ARHGAP42: variants seen among roughly 807,000 people sequenced by gnomAD.
ARHGAP42 encodes rho GTPase-activating protein 42.
Under a neutral mutation model 125.0 loss-of-function variants are expected in ARHGAP42, and 63 were observed. That is an observed-to-expected ratio of 0.50 (90% CI 0.41 to 0.62). ARHGAP42 has a LOEUF of 0.62. Among genes scored for constraint, ARHGAP42 ranks in the 20% least tolerant of loss-of-function variants. The pLI, the probability that ARHGAP42 is intolerant of heterozygous loss-of-function variation, is 0.00. For missense variants in ARHGAP42, 766 were observed against 1,024.2 expected, an observed-to-expected ratio of 0.75 and a Z score of 3.44; for synonymous variants, 339 against 351.0, an observed-to-expected ratio of 0.97 and a Z score of 0.38.
intron 4 of ARHGAP42, among the ~76,000 whole-genome samples, chr11:100,890,878 T>A (rs1040017427): frequency 6.6e-6 from 1 of 151,574 alleles, no homozygotes; most frequent in Non-Finnish European, 1.5e-5. Context: ...TGGGGGAGGG[T>A]TCTGTGTGTT....
intron 1 of ARHGAP42, among the ~76,000 whole-genome samples, chr11:100,716,153 C>T (rs931162342): frequency 2.0e-5 from 3 of 152,174 alleles, no homozygotes; most frequent in Non-Finnish European, 4.4e-5. Context: ...CCTAAACTAT[C>T]CCGTAAGCTT....
chr11:100,831,067 T>G (rs1864652832), intron 3 of ARHGAP42, among the ~76,000 whole-genome samples: 1 of 152,180 alleles, frequency 6.6e-6, no homozygotes. Flanking sequence ...TGTGCTTGGA[T>G]TTTTGGATTC....
At chr11:100,819,374 G>T (rs903548256) in intron 3 of ARHGAP42, among the ~76,000 whole-genome samples, 5 of 152,090 alleles carry the variant, frequency 3.3e-5, no homozygotes, top group Non-Finnish European at 1.5e-5. Flanking sequence ...AATAGAAATG[G>T]CAGGGATAAT....
intron 22 of ARHGAP42, among the ~76,000 whole-genome samples, chr11:100,980,666 G>A (rs1858520559): frequency 7.1e-6 from 1 of 141,278 alleles, no homozygotes; most frequent in Non-Finnish European, 1.5e-5. Flanking sequence ...TGCCTCCCAG[G>A]TTCAAGTGAT....
intron 1 of ARHGAP42, among the ~76,000 whole-genome samples, chr11:100,759,696 T>C (rs965304025): frequency 6.6e-6 from 1 of 152,154 alleles, no homozygotes; most frequent in Non-Finnish European, 1.5e-5. Context: ...AGGGGAAAAG[T>C]ACCCTCTCGG....
At chr11:100,749,911 C>T (rs566716494) in intron 1 of ARHGAP42, among the ~76,000 whole-genome samples, 24 of 152,254 alleles carry the variant, frequency 1.6e-4, no homozygotes, top group Admixed American at 7.2e-4. Context: ...ACAGAGTTGT[C>T]GCCATAGTAT....
chr11:100,742,328 G>A (rs1446132373), intron 1 of ARHGAP42, among the ~76,000 whole-genome samples: 2 of 148,602 alleles, frequency 1.3e-5, no homozygotes, highest in African/African-American at 5.1e-5. Context: ...TGGGGTTGAA[G>A]TGGTCTTAAC....
chr11:100,921,280 A>G (rs1356426665), intron 5 of ARHGAP42, among the ~76,000 whole-genome samples: 1 of 96,160 alleles, frequency 1.0e-5, no homozygotes, highest in African/African-American at 4.1e-5. Flanking sequence ...TTTTACTGCA[A>G]TGGGTATTGT....
intron 10 of ARHGAP42, among the ~76,000 whole-genome samples, chr11:100,945,565 A>G (rs1480324838): frequency 1.3e-5 from 2 of 152,118 alleles, no homozygotes; most frequent in African/African-American, 2.4e-5. Flanking sequence ...TCCATGTGCT[A>G]CATAATATAT....
intron 4 of ARHGAP42, among the ~76,000 whole-genome samples, chr11:100,912,201 AT>A (rs1443370990): frequency 6.6e-6 from 1 of 152,150 alleles, no homozygotes; most frequent in Non-Finnish European, 1.5e-5. Context: ...AAGCTAGAAG[AT>A]TTTCCTTCTC....
At chr11:100,949,834 A>G (rs1361517646) in intron 11 of ARHGAP42, 83 bp from the exon 12 acceptor site, 2 of 856,566 alleles carry the variant, frequency 2.3e-6, no homozygotes, top group Non-Finnish European at 3.4e-6. Context: ...CTTTTCATCT[A>G]TTAGTGTACA....
chr11:100,872,887 T>C (rs1865729584), intron 4 of ARHGAP42, among the ~76,000 whole-genome samples: 1 of 152,170 alleles, frequency 6.6e-6, no homozygotes, highest in Non-Finnish European at 1.5e-5. Context: ...AAAACTAATA[T>C]ATGATGCTTG....
At chr11:100,713,016 G>A (rs558245344) in intron 1 of ARHGAP42, among the ~76,000 whole-genome samples, 1 of 152,148 alleles carries the variant, frequency 6.6e-6, no homozygotes, top group African/African-American at 2.4e-5. Flanking sequence ...TCCAAGTCTG[G>A]GTTGTCTTAC....
chr11:100,751,304 G>C (rs1862451541), intron 1 of ARHGAP42, among the ~76,000 whole-genome samples: 1 of 127,230 alleles, frequency 7.9e-6, no homozygotes, highest in Admixed American at 7.8e-5. Context: ...TTTTTTGAAA[G>C]GGAGCCTTGC....
intron 1 of ARHGAP42, among the ~76,000 whole-genome samples, chr11:100,740,614 T>A (rs1483113039): frequency 3.3e-5 from 5 of 152,168 alleles, no homozygotes; most frequent in Admixed American, 3.3e-4. Context: ...GAGGAAAAGT[T>A]CTTGGAAAGC....
chr11:100,696,409 A>T (rs1388062721), intron 1 of ARHGAP42, among the ~76,000 whole-genome samples: 2 of 151,884 alleles, frequency 1.3e-5, no homozygotes, highest in African/African-American at 4.8e-5. Flanking sequence ...GCTGGAGTGC[A>T]ATGGCGTGAT....
In ARHGAP42 at chr11:100,734,573, G is replaced by A. The variant is rs1365080722; in HGVS notation, c.155-35770G>A. On this transcript the variant is annotated intron_variant, in intron 1 of 23. Coordinates refer to ENST00000298815, the MANE Select transcript of ARHGAP42 (RefSeq NM_152432.4). ...TGGGATTACGGGCGTCAGACACCAC[G>A]CCCAACCAGAGTCCACTTGTTATGC... 2.0e-5 allele frequency among the ~76,000 whole-genome samples: 3 copies of A among 152,166 alleles called. 1 individual carries two copies. The highest frequency in any genetic ancestry group is 2.0e-4 in the Admixed American group (3 of 15,278).
At chr11:100,705,611 A>C (rs1177143913) in intron 1 of ARHGAP42, among the ~76,000 whole-genome samples, 1 of 152,264 alleles carries the variant, frequency 6.6e-6, no homozygotes, top group Non-Finnish European at 1.5e-5. Flanking sequence ...TGTTAAGACT[A>C]GAGAGAAATT....
intron 3 of ARHGAP42, among the ~76,000 whole-genome samples, chr11:100,834,272 T>C (rs564465525): frequency 1.7e-4 from 26 of 152,306 alleles, no homozygotes; most frequent in African/African-American, 6.3e-4. Flanking sequence ...CAGAGTCAAT[T>C]CATATAGCTA....
Sources: gnomAD v4.1 joint callset for allele counts (sites outside exome capture counted in the v4.1 genomes callset) on GRCh38, gnomAD v4.1.1 for gene constraint, MANE v1.5 for transcripts, NCBI Gene and HGNC (gene_info 2026-07-23, HGNC 2026-07-21) for gene names.